Variants in HSF5 observed in about 807,000 individuals in gnomAD.
HSF5 encodes the protein heat shock factor protein 5.
Under a neutral mutation model 50.8 loss-of-function variants are expected in HSF5, and 5 were observed. The observed-to-expected ratio is 0.10, with a 90% CI of 0.05 to 0.21. The LOEUF is 0.21. Among genes scored for constraint, HSF5 ranks in the 10% least tolerant of loss-of-function variants. The pLI, the probability that HSF5 is intolerant of heterozygous loss-of-function variation, is 1.00. For missense variants in HSF5, 564 were observed against 762.6 expected, an observed-to-expected ratio of 0.74 and a Z score of 3.07; for synonymous variants, 307 against 307.4, an observed-to-expected ratio of 1.00 and a Z score of 0.02.
chr17:58,428,738 T>C (rs938736143), intron 5 of HSF5, among the ~76,000 whole-genome samples: 1 of 152,088 alleles, frequency 6.6e-6, no homozygotes, highest in Admixed American at 6.5e-5. Context: ...AAAAGGAAAA[T>C]ACCAAGTGTT....
intron 2 of HSF5, 108 bp downstream of exon 2, chr17:58,479,785 C>T: frequency 1.1e-6 from 1 of 945,022 alleles, no homozygotes; most frequent in Non-Finnish European, 1.6e-6. Context: ...GTGTACATTC[C>T]TACTGTTTGT....
At chr17:58,480,802 T>TCTAG (rs1444517697) in intron 1 of HSF5, among the ~76,000 whole-genome samples, 1 of 151,562 alleles carries the variant, frequency 6.6e-6, no homozygotes, top group Non-Finnish European at 1.5e-5. Flanking sequence ...TATCTATCTA[T>TCTAG]CTAGCAACCG....
At chr17:58,459,229 G>A (rs1432475099) in intron 4 of HSF5, among the ~76,000 whole-genome samples, 1 of 151,388 alleles carries the variant, frequency 6.6e-6, no homozygotes, top group African/African-American at 2.4e-5. Context: ...TTTAAGGCAG[G>A]GTCTCACATT....
At chr17:58,440,091 TC>T (rs1974480116) in intron 5 of HSF5, among the ~76,000 whole-genome samples, 1 of 152,012 alleles carries the variant, frequency 6.6e-6, no homozygotes, top group African/African-American at 2.4e-5. Flanking sequence ...GAAACAATAT[TC>T]TTTAAAAGTC....
intron 1 of HSF5, among the ~76,000 whole-genome samples, chr17:58,485,939 C>T (rs1975171820): frequency 6.6e-6 from 1 of 150,874 alleles, no homozygotes; most frequent in Non-Finnish European, 1.5e-5. Flanking sequence ...TGGTGGCAGG[C>T]ACCTGTAAAA....
chr17:58,442,175 T>TC (rs926821500), intron 5 of HSF5, among the ~76,000 whole-genome samples: 2 of 152,168 alleles, frequency 1.3e-5, no homozygotes, highest in African/African-American at 4.8e-5. Flanking sequence ...GCAGAGGCTG[T>TC]CCCCCAGAAG....
intron 5 of HSF5, among the ~76,000 whole-genome samples, chr17:58,435,557 C>CAAAT (rs1217869880): frequency 4.7e-5 from 7 of 150,334 alleles, no homozygotes; most frequent in East Asian, 2.0e-4. Context: ...AATAAATAAA[C>CAAAT]AAATAAATAA....
intron 5 of HSF5, among the ~76,000 whole-genome samples, chr17:58,426,200 A>G (rs1362389651): frequency 6.6e-6 from 1 of 152,228 alleles, no homozygotes; most frequent in Non-Finnish European, 1.5e-5. Flanking sequence ...ACTGAAGAAC[A>G]GTAGTAACAA....
rs1394631488 is a variant in HSF5 at position 58,420,850 on chromosome 17, C to T, written c.*1510G>A. 6.6e-6 allele frequency: 1 copy of T among 152,332 alleles called. No homozygotes were observed. The highest frequency in any genetic ancestry group is 1.5e-5 in the Non-Finnish European group (1 of 68,020). 9.4% of individuals were successfully genotyped at this position (152,332 alleles called of 1,614,324 possible). Reference sequence around the variant, plus strand: ...AGTCACTGCAGATCAATACAGAGCTCACCCTTTTCCAGAAAAGTAGATCTC... The same window carrying T: ...AGTCACTGCAGATCAATACAGAGCTTACCCTTTTCCAGAAAAGTAGATCTC... On this transcript the variant is annotated 3_prime_UTR_variant, in exon 6 of 6. Transcript: ENST00000323777.
intron 5 of HSF5, among the ~76,000 whole-genome samples, chr17:58,425,684 T>C (rs1461335603): frequency 6.6e-6 from 1 of 151,044 alleles, no homozygotes; most frequent in Non-Finnish European, 1.5e-5. Flanking sequence ...ATGATAATAA[T>C]GATAACAGTA....
chr17:58,422,325 A>C lies in HSF5; in HGVS notation c.*35T>G, dbSNP rs763849846. On this transcript the variant is annotated 3_prime_UTR_variant, in exon 6 of 6. Transcript: ENST00000323777. ...GCAAGGCTAGTCTGCCTCCAGCTAC[A>C]GCTAGTGCACAATGTCACATTTGTC... is the stretch of plus-strand genomic sequence containing the variant. 12 of 1,486,994 alleles carry C rather than the reference A, an allele frequency of 8.1e-6. No individual in the cohort carries two copies. The African/African-American group carries it at 1.5e-4, about 19-fold the overall frequency. The allele number at this position is 1,486,994 out of a possible 1,614,324, so 92.1% of individuals were successfully genotyped here. A position where few individuals can be genotyped will look rare whatever the true frequency, so the allele number is the denominator to read the frequency against.
At chr17:58,433,095 C>G (rs767950344) in intron 5 of HSF5, among the ~76,000 whole-genome samples, 1 of 152,176 alleles carries the variant, frequency 6.6e-6, no homozygotes, top group Non-Finnish European at 1.5e-5. Flanking sequence ...CTCACTACAA[C>G]CTCTGCCTCC....
intron 2 of HSF5, 48 bp from the exon 3 acceptor site, chr17:58,467,027 T>A: frequency 8.0e-7 from 1 of 1,245,014 alleles, no homozygotes; most frequent in Non-Finnish European, 1.2e-6. Flanking sequence ...AATACATTTC[T>A]ATAGCATTCA....
chr17:58,478,300 T>TAC (rs1313998815), intron 2 of HSF5, among the ~76,000 whole-genome samples: 109 of 145,106 alleles, frequency 7.5e-4, no homozygotes, highest in Admixed American at 1.7e-3. Flanking sequence ...TATATATATA[T>TAC]ACACACACAC....
In HSF5 at chr17:58,450,994, C is replaced by G. The variant is rs548774155; in HGVS notation, c.1720+7774G>C. On this transcript the variant is annotated intron_variant, in intron 5 of 5. Transcript: ENST00000323777. Reference sequence around the variant, plus strand: ...ATCCCAGCTACTTGGGAGGCTGAGGCAGGAGAATCGCTTGAACCTGGGAGG... The same window carrying G: ...ATCCCAGCTACTTGGGAGGCTGAGGGAGGAGAATCGCTTGAACCTGGGAGG... Among the ~76,000 whole-genome samples, 12 of 152,228 alleles carry G rather than the reference C, an allele frequency of 7.9e-5. No homozygotes were observed. The East Asian group carries it at 2.3e-3, about 29-fold the overall frequency.
At chr17:58,447,696 G>C (rs1482643121) in intron 5 of HSF5, among the ~76,000 whole-genome samples, 1 of 152,166 alleles carries the variant, frequency 6.6e-6, no homozygotes, top group Non-Finnish European at 1.5e-5. Context: ...ACTGCTGAGT[G>C]GTTACAGTGA....
intron 4 of HSF5, 75 bp downstream of exon 4, chr17:58,462,707 C>G (rs978845888): frequency 5.1e-6 from 7 of 1,374,496 alleles, no homozygotes; most frequent in Admixed American, 4.5e-5. Context: ...TGAACAAACT[C>G]TCCACTAGAA....
intron 5 of HSF5, among the ~76,000 whole-genome samples, chr17:58,434,563 A>AG (rs1328946413): frequency 1.3e-4 from 20 of 151,478 alleles, no homozygotes; most frequent in South Asian, 8.4e-4. Context: ...AAAAAAAAAA[A>AG]GATAAAATGT....
chr17:58,465,054 C>CT (rs1488551794), intron 3 of HSF5, among the ~76,000 whole-genome samples: 1 of 150,626 alleles, frequency 6.6e-6, no homozygotes, highest in East Asian at 2.0e-4. Context: ...GGGAGGATCG[C>CT]TTGATCCTCC....
Sources: allele counts gnomAD v4.1 joint callset (sites outside exome capture counted in the v4.1 genomes callset), GRCh38; gene constraint gnomAD v4.1.1; transcripts MANE v1.5; gene names NCBI Gene and HGNC (gene_info 2026-07-23, HGNC 2026-07-21).